UQCC1: variants seen among roughly 807,000 people sequenced by gnomAD.
UQCC1 encodes the protein ubiquinol-cytochrome c reductase complex assembly factor 1.
UQCC1 carries 38 observed loss-of-function variants against 48.0 expected under a neutral mutation model. The ratio of observed to expected loss-of-function variants is 0.79; its 90% CI spans 0.61 to 1.04. The LOEUF is 1.04. Ranked by LOEUF, UQCC1 falls within the 50% of genes least tolerant of loss-of-function variation. The pLI is 0.00. For missense variants in UQCC1, 368 were observed against 381.8 expected, an observed-to-expected ratio of 0.96 and a Z score of 0.30; for synonymous variants, 111 against 129.2, an observed-to-expected ratio of 0.86 and a Z score of 0.95.
At chr20:35,397,833 A>C (rs1311629997) in intron 1 of UQCC1, among the ~76,000 whole-genome samples, 2 of 152,292 alleles carry the variant, frequency 1.3e-5, no homozygotes, top group East Asian at 3.9e-4. Flanking sequence ...CAAAGATTCT[A>C]GTTTAAATTC....
At chr20:35,333,633 C>T (rs994638962) in intron 7 of UQCC1, among the ~76,000 whole-genome samples, 8 of 151,784 alleles carry the variant, frequency 5.3e-5, no homozygotes, top group Admixed American at 1.3e-4. Context: ...CTCTCTCCAA[C>T]AGGAACAGGG....
chr20:35,302,787 G>A lies in UQCC1; in HGVS notation c.*1148C>T, dbSNP rs1193451339. 6.6e-6 allele frequency: 1 copy of A among 152,252 alleles called. No homozygotes were observed. Among genetic ancestry groups the A allele is most frequent in the Non-Finnish European group, 1.5e-5 (1 of 68,044 alleles). The allele number at this position is 152,252 out of a possible 1,614,324, so 9.4% of individuals were successfully genotyped here. ...AACAAAAGCATCTTAAATAAACTGA[G>A]AGAAGCGGTTTGATTTGTAATGTTT... On this transcript the variant is annotated 3_prime_UTR_variant, in exon 10 of 10. Coordinates refer to ENST00000374385, the MANE Select transcript of UQCC1 (RefSeq NM_018244.5).
intron 1 of UQCC1, among the ~76,000 whole-genome samples, chr20:35,409,787 T>C (rs1220956122): frequency 1.3e-5 from 2 of 149,954 alleles, no homozygotes; most frequent in African/African-American, 4.9e-5. Context: ...AAAGCAAGAC[T>C]AACAAGAATG....
chr20:35,368,088 G>A lies in UQCC1; in HGVS notation c.407-1474C>T, dbSNP rs17092598. Among the ~76,000 whole-genome samples, 427 of 152,252 alleles carry A rather than the reference G, an allele frequency of 2.8e-3. 1 individual carries two copies. Among genetic ancestry groups the A allele is most frequent in the African/African-American group, 9.9e-3 (412 of 41,554 alleles). On this transcript the variant is annotated intron_variant, in intron 5 of 9. Coordinates refer to ENST00000374385, the MANE Select transcript of UQCC1 (RefSeq NM_018244.5). ...AAAAAGAGAATAAGTGGGGAATTTG[G>A]GCCCTTATGGTAGAATCTGTCCTTT... is the stretch of plus-strand genomic sequence containing the variant.
chr20:35,353,292 G>C (rs977266935), intron 6 of UQCC1, among the ~76,000 whole-genome samples: 6 of 151,592 alleles, frequency 4.0e-5, no homozygotes, highest in African/African-American at 1.5e-4. Flanking sequence ...AGCTACTCAG[G>C]AGGCTGAGGC....
At chr20:35,317,289 C>A (rs1178957933) in intron 7 of UQCC1, among the ~76,000 whole-genome samples, 1 of 152,210 alleles carries the variant, frequency 6.6e-6, no homozygotes, top group Non-Finnish European at 1.5e-5. Context: ...AGCATGCATT[C>A]ATTCATTAAT....
intron 6 of UQCC1, among the ~76,000 whole-genome samples, chr20:35,347,692 A>C (rs1414822425): frequency 4.6e-5 from 7 of 152,334 alleles, no homozygotes; most frequent in Admixed American, 1.3e-4. Context: ...AAAACTGGGT[A>C]TAGAACTGTG....
At chr20:35,411,897 C>G in intron 1 of UQCC1, 43 bp downstream of exon 1, 6 of 1,613,950 alleles carry the variant, frequency 3.7e-6, no homozygotes, top group Non-Finnish European at 5.1e-6. Context: ...AACTCCAACC[C>G]GGGACCCAGA....
chr20:35,383,843 C>T (rs2061905398), intron 3 of UQCC1, among the ~76,000 whole-genome samples, 195 bp downstream of exon 3: 2 of 152,044 alleles, frequency 1.3e-5, no homozygotes, highest in South Asian at 4.1e-4. Flanking sequence ...AGAGCAAGAC[C>T]TTGTCCCTGA....
Position 35,384,052 on chromosome 20 carries a change from G to C in UQCC1, c.211C>G (p.His71Asp). 6.2e-7 allele frequency: 1 copy of C among 1,612,164 alleles called. No individual in the cohort carries two copies. The highest frequency in any genetic ancestry group is 8.5e-7 in the Non-Finnish European group (1 of 1,178,446). ...ATAATTCTCACCTTACGTGTGGTGT[G>C]ATACTTCCTATTCAGCTGTATGTCT... is the stretch of plus-strand genomic sequence containing the variant. ...GIDIQLNRKY[H>D]TTRKLSTTKD... The change falls in exon 3 of 10, where the codon CAC (histidine) becomes GAC (aspartate). Residue 71 changes from histidine to aspartate, a missense_variant. Coordinates refer to ENST00000374385, the MANE Select transcript of UQCC1 (RefSeq NM_018244.5).
intron 6 of UQCC1, among the ~76,000 whole-genome samples, chr20:35,350,806 C>T (rs1380493046): frequency 2.0e-5 from 3 of 151,908 alleles, no homozygotes; most frequent in East Asian, 1.9e-4. Flanking sequence ...TTTGGGAGGC[C>T]GAGGTGGGTG....
chr20:35,355,765 C>T (rs1338337813), intron 6 of UQCC1, among the ~76,000 whole-genome samples: 1 of 152,150 alleles, frequency 6.6e-6, no homozygotes, highest in Non-Finnish European at 1.5e-5. Flanking sequence ...CTACTAGTTT[C>T]TTAGGAATCC....
chr20:35,348,396 G>C (rs958212595), intron 6 of UQCC1, among the ~76,000 whole-genome samples: 1 of 151,498 alleles, frequency 6.6e-6, no homozygotes, highest in Non-Finnish European at 1.5e-5. Flanking sequence ...GTTTTGTTTT[G>C]TTTTGTTTTT....
chr20:35,411,378 A>AGGC (rs776288531), intron 1 of UQCC1, among the ~76,000 whole-genome samples: 212 of 152,300 alleles, frequency 1.4e-3, no homozygotes, highest in Non-Finnish European at 2.7e-3. Flanking sequence ...GCAAAGTGAA[A>AGGC]ACGACGGAGA....
chr20:35,376,972 A>AC (rs1403567674), intron 4 of UQCC1, among the ~76,000 whole-genome samples: 4 of 151,882 alleles, frequency 2.6e-5, no homozygotes, highest in East Asian at 1.9e-4. Context: ...ACAAAACAAA[A>AC]AAAAAAAGAA....
intron 1 of UQCC1, among the ~76,000 whole-genome samples, chr20:35,407,970 C>T (rs528114094): frequency 6.6e-6 from 1 of 151,936 alleles, no homozygotes; most frequent in Non-Finnish European, 1.5e-5. Context: ...TGCGGTGAGC[C>T]GAGATCATGC....
At chr20:35,394,395 A>G (rs1275813546) in intron 1 of UQCC1, among the ~76,000 whole-genome samples, 199 bp from the exon 2 acceptor site, 1 of 152,036 alleles carries the variant, frequency 6.6e-6, no homozygotes, top group East Asian at 1.9e-4. Context: ...GCCCCTTTCA[A>G]CCATACCTGA....
At chr20:35,370,654 C>T (rs1475650729) in intron 5 of UQCC1, among the ~76,000 whole-genome samples, 1 of 152,222 alleles carries the variant, frequency 6.6e-6, no homozygotes, top group African/African-American at 2.4e-5. Context: ...AAAAAATTTA[C>T]TTTCTCCCTA....
intron 2 of UQCC1, chr20:35,386,371 T>C: frequency 2.2e-6 from 1 of 453,272 alleles, no homozygotes; most frequent in South Asian, 1.6e-5. Flanking sequence ...GGAATGAAAA[T>C]GATTTTTTTT....
Sources: gnomAD v4.1 joint callset for allele counts (sites outside exome capture counted in the v4.1 genomes callset) on GRCh38, gnomAD v4.1.1 for gene constraint, MANE v1.5 for transcripts, NCBI Gene and HGNC (gene_info 2026-07-23, HGNC 2026-07-21) for gene names.